Variants in VPS13D observed in about 807,000 individuals in gnomAD.
The protein encoded by VPS13D is vacuolar protein sorting 13 homolog D, also known as intermembrane lipid transfer protein VPS13D.
In VPS13D, 187 loss-of-function variants were observed where a neutral mutation model predicts 461.9. The observed-to-expected ratio is 0.40, with a 90% CI of 0.36 to 0.46. The LOEUF (loss-of-function observed/expected upper bound fraction) is 0.46, where lower values mean the gene tolerates loss of function less well. VPS13D is among the 20% of genes least tolerant of loss of function. VPS13D has a pLI of 0.60. For missense variants in VPS13D, 4,711 were observed against 5,364.9 expected (o/e 0.88, Z 3.81); for synonymous variants, 1,951 against 1,986.3 (o/e 0.98, Z 0.47).
rs181806292 is a variant in VPS13D at position 12,438,979 on chromosome 1, G to A, written c.12334-17019G>A. Among the ~76,000 whole-genome samples the A allele has an allele frequency of 1.2e-4, 18 of 151,986 alleles. No homozygotes were observed. The East Asian group carries it at 3.5e-3, about 29-fold the overall frequency. On this transcript the variant is annotated intron_variant, in intron 65 of 69. Transcript: ENST00000620676. Reference sequence around the variant, plus strand: ...CCGAATCTGAACATATCCCTCCCGCGCCCACCTTCTAGTCCTCGTTCATCT... The same window carrying A: ...CCGAATCTGAACATATCCCTCCCGCACCCACCTTCTAGTCCTCGTTCATCT...
chr1:12,452,981 G>A (rs1645281775), intron 65 of VPS13D, among the ~76,000 whole-genome samples: 1 of 152,306 alleles, frequency 6.6e-6, no homozygotes, highest in Middle Eastern at 3.4e-3. Context: ...GATAGGTGTA[G>A]GTACCTTTCC....
chr1:12,262,126 G>T (rs780722795), intron 13 of VPS13D, 46 bp downstream of exon 13: 22 of 1,568,366 alleles, frequency 1.4e-5, no homozygotes, highest in Non-Finnish European at 1.9e-5. Context: ...TCTCTCTGTG[G>T]GCCAATGTCC....
At chr1:12,241,104 C>A (rs1640340616) in intron 2 of VPS13D, among the ~76,000 whole-genome samples, 2 of 151,866 alleles carry the variant, frequency 1.3e-5, no homozygotes, top group South Asian at 4.1e-4. Context: ...CCATGCCTGG[C>A]TAATTTTTAA....
chr1:12,483,080 G>C (rs1318052232), intron 67 of VPS13D, among the ~76,000 whole-genome samples: 2 of 152,278 alleles, frequency 1.3e-5, no homozygotes, highest in Admixed American at 1.3e-4. Flanking sequence ...CTGGATTTAA[G>C]GGTGTGTATA....
chr1:12,450,555 G>A (rs1645250133), intron 65 of VPS13D, among the ~76,000 whole-genome samples: 1 of 152,136 alleles, frequency 6.6e-6, no homozygotes, highest in Admixed American at 6.5e-5. Flanking sequence ...TCCTGGGCTG[G>A]TGACATGTGA....
intron 35 of VPS13D, among the ~76,000 whole-genome samples, chr1:12,324,759 G>A (rs765592518): frequency 1.7e-4 from 26 of 152,206 alleles, no homozygotes; most frequent in Non-Finnish European, 3.4e-4. Context: ...TGCTAATGGC[G>A]GTGATATTGA....
At chr1:12,422,272 ATAG>A (rs1644873959) in intron 65 of VPS13D, among the ~76,000 whole-genome samples, 1 of 152,184 alleles carries the variant, frequency 6.6e-6, no homozygotes, top group African/African-American at 2.4e-5. Context: ...AATTATTTTC[ATAG>A]TGGTTATTTG....
chr1:12,275,808 C>CT lies in VPS13D; in HGVS notation c.2237-9dup, dbSNP rs758212766. ...AATAGCAGACATATATTTGAATCTT[C>CT]TTTTTTTTATCTTCAGATAACTCCA... On this transcript the variant is annotated splice_polypyrimidine_tract_variant and intron_variant, in intron 18 of 69. Transcript: ENST00000620676. The CT allele has an allele frequency of 6.6e-5, 102 of 1,544,106 alleles. No homozygotes were observed. The highest frequency in any genetic ancestry group is 3.9e-4 in the East Asian group (17 of 44,144).
intron 46 of VPS13D, among the ~76,000 whole-genome samples, chr1:12,351,424 G>A (rs551969567): frequency 2.0e-5 from 3 of 152,118 alleles, no homozygotes; most frequent in Non-Finnish European, 2.9e-5. Context: ...CTGAGTAGCT[G>A]GGATTACAGG....
chr1:12,236,886 T>C (rs1640165263), intron 2 of VPS13D, among the ~76,000 whole-genome samples: 5 of 152,138 alleles, frequency 3.3e-5, no homozygotes, highest in African/African-American at 1.2e-4. Context: ...TTGGAGATAA[T>C]ATTAACTATC....
At chr1:12,340,874 G>C (rs1643554211) in intron 40 of VPS13D, among the ~76,000 whole-genome samples, 1 of 152,192 alleles carries the variant, frequency 6.6e-6, no homozygotes, top group Non-Finnish European at 1.5e-5. Flanking sequence ...GGCCAGTGGA[G>C]GAGACAGGTC....
chr1:12,262,132 T>C (rs769342746), intron 13 of VPS13D, 52 bp downstream of exon 13: 6 of 1,546,672 alleles, frequency 3.9e-6, no homozygotes, highest in Middle Eastern at 1.8e-4. Context: ...TGTGGGCCAA[T>C]GTCCAGGCGA....
chr1:12,335,556 C>G, intron 38 of VPS13D, 149 bp from the exon 39 acceptor site: 4 of 945,004 alleles, frequency 4.2e-6, no homozygotes, highest in Non-Finnish European at 6.1e-6. Context: ...GCGTGAGGCT[C>G]TCCAGGGCAT....
Position 12,267,891 on chromosome 1 carries a change from C to G in VPS13D, c.1772C>G (p.Thr591Arg). The G allele has an allele frequency of 6.2e-7, 1 of 1,614,118 alleles. No homozygotes were observed. The highest frequency in any genetic ancestry group is 8.5e-7 in the Non-Finnish European group (1 of 1,179,988). Residue 591 changes from threonine (T) to arginine (R), a missense_variant, in exon 15 of 70, where the codon ACA becomes AGA. Physicochemically the swap from Thr to Arg is moderately conservative, Grantham distance 71. This residue lies in a region of VPS13D where 4,411 missense variants were observed against 4,937.8 expected (regional missense o/e 0.89). Transcript: ENST00000620676. ...TCACAATCTTTTGGTCTACAAACTA[C>G]ATCTGCAGACAGAAGTGATCATTAC... ...RVSQSFGLQT[T>R]SADRSDHYPA...
chr1:12,508,869 G>T, intron 69 of VPS13D, 24 bp from the exon 70 acceptor site: 2 of 1,610,696 alleles, frequency 1.2e-6, no homozygotes, highest in South Asian at 2.2e-5. Context: ...GGGGACAGGT[G>T]ACCCATCCTG....
At position 12,256,374 on chromosome 1, in the gene VPS13D, C is replaced by T. The variant is rs550494980; in HGVS notation, c.711C>T (p.Tyr237=). Residue 237 remains tyrosine (Y), a synonymous_variant, in exon 8 of 70, where the codon TAC becomes TAT. Coordinates refer to ENST00000620676, the MANE Select transcript of VPS13D (RefSeq NM_015378.4). ...GCATGGAGAGTCGCAGCCATCACTA[C>T]GTCCTGGAGCCTGTGTTTGCATCTG... is the stretch of plus-strand genomic sequence containing the variant. ...ARSMESRSHH[Y]VLEPVFASAL... 41 of 1,614,074 alleles carry T rather than the reference C, an allele frequency of 2.5e-5. No homozygotes were observed. The highest frequency in any genetic ancestry group is 2.0e-4 in the East Asian group (9 of 44,890).
At chr1:12,256,186 TAAA>T (rs1310255513) in intron 7 of VPS13D, 144 bp from the exon 8 acceptor site, 1 of 899,846 alleles carries the variant, frequency 1.1e-6, no homozygotes, top group Non-Finnish European at 1.6e-6. Context: ...TAAAAATGAA[TAAA>T]AACAAAACAG....
chr1:12,250,467 A>G (rs1211661700), intron 6 of VPS13D, among the ~76,000 whole-genome samples: 2 of 152,174 alleles, frequency 1.3e-5, no homozygotes, highest in African/African-American at 4.8e-5. Context: ...GACCAAATAT[A>G]TTTCATGTAT....
chr1:12,408,395 T>C (rs1029036565), intron 63 of VPS13D, among the ~76,000 whole-genome samples: 3 of 152,066 alleles, frequency 2.0e-5, no homozygotes, highest in Admixed American at 2.0e-4. Flanking sequence ...GAAGACAGGG[T>C]CTCACTCTGT....
Sources: gnomAD v4.1 joint callset for allele counts (sites outside exome capture counted in the v4.1 genomes callset) on GRCh38, gnomAD v4.1.1 for gene constraint, gnomAD v4.1.1 regional missense constraint, MANE v1.5 for transcripts, NCBI Gene and HGNC (gene_info 2026-07-23, HGNC 2026-07-21) for gene names.